The following DLG2 variants were observed in gnomAD, a reference collection of about 807,000 sequenced individuals.
The protein encoded by DLG2 is discs large MAGUK scaffold protein 2, also known as disks large homolog 2.
A neutral mutation model predicts 132.5 loss-of-function variants in DLG2; 45 were observed. The ratio of observed to expected loss-of-function variants is 0.34; its 90% CI spans 0.27 to 0.44. The LOEUF (loss-of-function observed/expected upper bound fraction) is 0.44. Among genes scored for constraint, DLG2 ranks in the 20% least tolerant of loss-of-function variants. DLG2 has a pLI of 1.00. For synonymous variants in DLG2, 424 were observed against 419.6 expected (o/e 1.01, Z -0.13); for missense variants, 1,045 against 1,196.9 (o/e 0.87, Z 1.87).
chr11:84,274,981 A>T (rs1598872804), intron 7 of DLG2, among the ~76,000 whole-genome samples: 2 of 152,310 alleles, frequency 1.3e-5, no homozygotes, highest in East Asian at 3.9e-4. Context: ...AACTTTCAGA[A>T]AATATTCCTT....
At chr11:84,321,732 G>A (rs1174734524) in intron 7 of DLG2, among the ~76,000 whole-genome samples, 1 of 152,158 alleles carries the variant, frequency 6.6e-6, no homozygotes, top group Admixed American at 6.5e-5. Context: ...GGATTACTAT[G>A]CAACACAGCT....
intron 4 of DLG2, among the ~76,000 whole-genome samples, chr11:85,242,961 G>C (rs969655248): frequency 2.6e-5 from 4 of 151,952 alleles, no homozygotes; most frequent in African/African-American, 4.8e-5. Flanking sequence ...GTGGGTACCA[G>C]AAGTCTGAAG....
intron 6 of DLG2, among the ~76,000 whole-genome samples, chr11:84,552,439 A>T (rs544750198): frequency 1.4e-4 from 22 of 152,232 alleles, no homozygotes; most frequent in East Asian, 1.9e-4. Flanking sequence ...TACCTTCCAC[A>T]TGCCTTTTGC....
intron 6 of DLG2, among the ~76,000 whole-genome samples, chr11:84,990,013 G>T (rs2056912276): frequency 6.6e-6 from 1 of 152,128 alleles, no homozygotes; most frequent in Non-Finnish European, 1.5e-5. Flanking sequence ...TAACAAATTA[G>T]ACTTCTTAAA....
intron 6 of DLG2, among the ~76,000 whole-genome samples, chr11:84,741,967 A>G (rs1206453623): frequency 6.6e-6 from 1 of 152,142 alleles, no homozygotes; most frequent in Non-Finnish European, 1.5e-5. Context: ...ACAAAGAGAT[A>G]GATACCATAA....
intron 6 of DLG2, among the ~76,000 whole-genome samples, chr11:84,657,645 T>G (rs1335602818): frequency 1.3e-5 from 2 of 152,162 alleles, no homozygotes; most frequent in African/African-American, 2.4e-5. Flanking sequence ...ATAGGTTTCC[T>G]GCTCCTATGA....
chr11:84,362,933 A>G, intron 7 of DLG2, among the ~76,000 whole-genome samples: 1 of 151,962 alleles, frequency 6.6e-6, no homozygotes, highest in East Asian at 1.9e-4. Flanking sequence ...GGTTGGTTCC[A>G]AGTCTTTGCT....
intron 3 of DLG2, among the ~76,000 whole-genome samples, chr11:85,538,141 A>T (rs1306668117): frequency 3.3e-5 from 5 of 151,738 alleles, no homozygotes; most frequent in African/African-American, 7.3e-5. Flanking sequence ...ATTAAAAAAT[A>T]AAAAAAGAAC....
chr11:83,515,784 T>C (rs187772419), intron 21 of DLG2, among the ~76,000 whole-genome samples: 2,155 of 152,246 alleles, frequency 0.014, 29 homozygotes, highest in African/African-American at 0.035. Flanking sequence ...GTTATGTACC[T>C]AGTAGTCATT....
At chr11:83,551,519 A>G (rs1367986) in intron 19 of DLG2, among the ~76,000 whole-genome samples, 30,784 of 152,126 alleles carry the variant, frequency 0.2, 3,363 homozygotes, top group Non-Finnish European at 0.24. Context: ...CAGGGTAAGT[A>G]ATGACATTTA....
chr11:84,906,129 G>T (rs1186592046), intron 6 of DLG2, among the ~76,000 whole-genome samples: 2 of 151,194 alleles, frequency 1.3e-5, no homozygotes, highest in African/African-American at 2.4e-5. Context: ...TTTACCTTAG[G>T]AATACACTCT....
chr11:84,099,818 G>GCTTT (rs1164105417), intron 9 of DLG2, among the ~76,000 whole-genome samples: 8 of 127,078 alleles, frequency 6.3e-5, no homozygotes, highest in African/African-American at 2.5e-4. Flanking sequence ...TATATCTAAA[G>GCTTT]AGATATATAT....
Position 84,345,671 on chromosome 11 carries a change from C to T in DLG2, c.520-94380G>A, listed in dbSNP as rs1220409126. Among the ~76,000 whole-genome samples the T allele has an allele frequency of 1.3e-5, 2 of 151,928 alleles. 1 individual carries two copies. On this transcript the variant is annotated intron_variant, in intron 7 of 27. Coordinates refer to ENST00000376104, the MANE Select transcript of DLG2 (RefSeq NM_001142699.3). ...TTTTTTAACCTGAGGTTTCAAAATC[C>T]TTCTCTGGTACTTTGTAATGACAGA...
At chr11:84,643,478 T>G (rs1201292034) in intron 6 of DLG2, among the ~76,000 whole-genome samples, 1 of 152,196 alleles carries the variant, frequency 6.6e-6, no homozygotes, top group African/African-American at 2.4e-5. Context: ...AGGGACCACA[T>G]AGATTTCCTT....
At position 84,495,873 on chromosome 11, in the gene DLG2, C is replaced by A. The variant is rs562655853; in HGVS notation, c.519+38697G>T. On this transcript the variant is annotated intron_variant, in intron 7 of 27. Transcript: ENST00000376104. ...GAATAAATGAAGGGCGGTAAACGGG[C>A]ACAATGTCAGAGGAACATGTTGATT... Among the ~76,000 whole-genome samples the A allele has an allele frequency of 9.0e-4, 137 of 152,248 alleles. 1 individual carries two copies. The highest frequency in any genetic ancestry group is 3.1e-3 in the African/African-American group (129 of 41,552).
chr11:83,685,389 C>T (rs2079556292), intron 18 of DLG2, among the ~76,000 whole-genome samples: 1 of 152,146 alleles, frequency 6.6e-6, no homozygotes, highest in Non-Finnish European at 1.5e-5. Flanking sequence ...TTGTCACTCA[C>T]AAAATCAATA....
At chr11:84,933,133 G>A (rs143779159) in intron 6 of DLG2, among the ~76,000 whole-genome samples, 2 of 152,040 alleles carry the variant, frequency 1.3e-5, no homozygotes, top group South Asian at 2.1e-4. Context: ...TTTTATATAT[G>A]TTTGTTGGCC....
intron 3 of DLG2, among the ~76,000 whole-genome samples, chr11:85,403,155 T>C (rs1216196192): frequency 2.6e-5 from 4 of 152,204 alleles, no homozygotes; most frequent in Non-Finnish European, 5.9e-5. Flanking sequence ...TGGAATACTA[T>C]GCAGCCATAA....
At chr11:85,039,852 C>A (rs1302016910) in intron 6 of DLG2, among the ~76,000 whole-genome samples, 3 of 151,838 alleles carry the variant, frequency 2.0e-5, no homozygotes, top group Non-Finnish European at 4.4e-5. Context: ...TGGTAAGACT[C>A]TTTAAATTTT....
Sources: allele counts gnomAD v4.1 joint callset (sites outside exome capture counted in the v4.1 genomes callset), GRCh38; gene constraint gnomAD v4.1.1; transcripts MANE v1.5; gene names NCBI Gene and HGNC (gene_info 2026-07-23, HGNC 2026-07-21).